GLA: variants seen among roughly 807,000 people sequenced by gnomAD.
GLA encodes the protein alpha-galactosidase A.
A neutral mutation model predicts 28.2 loss-of-function variants in GLA; 4 were observed. The observed-to-expected ratio is 0.14, with a 90% CI of 0.07 to 0.32. The LOEUF is 0.32. Ranked by LOEUF, GLA falls within the 10% of genes least tolerant of loss-of-function variation. The pLI is 1.00. For synonymous variants in GLA, 94 were observed against 113.0 expected (o/e 0.83, Z 1.07); for missense variants, 203 against 323.7 (o/e 0.63, Z 2.86).
At position 101,398,501 on chromosome X, in the gene GLA, T is replaced by G. The variant is rs375538532; in HGVS notation, c.868A>C (p.Met290Leu). The change falls in exon 6 of 7, where the codon ATG becomes CTG. Residue 290 changes from methionine (M) to leucine (L), a missense_variant. By Grantham distance (15) the Met-to-Leu change is conservative. Coordinates refer to ENST00000218516, the MANE Select transcript of GLA (RefSeq NM_000169.3). ...TTAGACATGAATAAAGGAGCAGCCATGATAGCCCAGAGGGCCATCTGAGTT... is the reference window on the plus strand; with the variant it reads ...TTAGACATGAATAAAGGAGCAGCCAGGATAGCCCAGAGGGCCATCTGAGTT... ...QVTQMALWAI[M>L]AAPLFMSNDL... 2.5e-6 allele frequency: 3 copies of G among 1,206,427 alleles called. No homozygotes were observed. Among genetic ancestry groups the G allele is most frequent in the Non-Finnish European group, 3.4e-6 (3 of 891,919 alleles).
At position 101,400,635 on chromosome X, in the gene GLA, G is replaced by T. The variant is rs782135870; in HGVS notation, c.639+31C>A. The T allele has an allele frequency of 6.1e-6, 5 of 819,107 alleles. No homozygotes were observed. In the African/African-American group the frequency reaches 8.1e-5, roughly 13 times the overall value. The allele number at this position is 819,107 out of a possible 1,213,427, so 67.5% of individuals were successfully genotyped here. A position where few individuals can be genotyped will look rare whatever the true frequency, so the allele number is the denominator to read the frequency against. On this transcript the variant is annotated intron_variant, in intron 4 of 6. Transcript: ENST00000218516. ...TTGTCAAGTTCTATCTATCAGTACA[G>T]TTCTATTGGATTCTGGGCTCACTAT... is the stretch of plus-strand genomic sequence containing the variant.
At position 101,401,786 on chromosome X, in the gene GLA, T is replaced by C. The variant is rs782100696; in HGVS notation, c.393A>G (p.Leu131=). Residue 131 remains leucine, a synonymous_variant, in exon 3 of 7, where the codon CTA becomes CTG. Coordinates refer to ENST00000218516, the MANE Select transcript of GLA (RefSeq NM_000169.3). ...ANYVHSKGLK[L]GIYADVGNKT... ...TATTTCCAACATCTGCATAAATCCC[T>C]AGCTTCAGTCCTTTGCTGTGAACCT... 1 of 1,211,001 alleles carries C rather than the reference T, an allele frequency of 8.3e-7. No individual in the cohort carries two copies. Among genetic ancestry groups the C allele is most frequent in the Non-Finnish European group, 1.1e-6 (1 of 894,578 alleles).
intron 1 of GLA, among the ~76,000 whole-genome samples, chrX:101,406,423 A>T (rs3027587): frequency 0.068 from 7,567 of 111,186 alleles, 320 homozygotes; most frequent in African/African-American, 0.15. Context: ...ATTAACATTT[A>T]AACCATGATT....
Position 101,398,506 on chromosome X carries a change from G to A in GLA, c.863C>T (p.Ala288Val). Residue 288 changes from alanine to valine, a missense_variant, in exon 6 of 7, where the codon GCT becomes GTT. Ala to Val is a moderately conservative substitution (Grantham distance 64, BLOSUM62 0). Around this residue, in one of 3 missense-constraint regions of GLA, gnomAD observed 162 missense variants for 246.8 expected, o/e 0.66. Coordinates refer to ENST00000218516, the MANE Select transcript of GLA (RefSeq NM_000169.3). ...NQQVTQMALW[A>V]IMAAPLFMSN... ...CATGAATAAAGGAGCAGCCATGATA[G>A]CCCAGAGGGCCATCTGAGTTACTTG... 1 of 1,207,806 alleles carries A rather than the reference G, an allele frequency of 8.3e-7. No homozygotes were observed. The highest frequency in any genetic ancestry group is 1.1e-6 in the Non-Finnish European group (1 of 891,895).
chrX:101,407,422 A>C (rs1928558825), intron 1 of GLA, among the ~76,000 whole-genome samples: 1 of 108,644 alleles, frequency 9.2e-6, no homozygotes, highest in African/African-American at 3.4e-5. Flanking sequence ...GAGAGAGAGA[A>C]AGAGAGAGGA....
chrX:101,403,822 G>A lies in GLA; in HGVS notation c.358C>T (p.Leu120=). 8.3e-7 allele frequency: 1 copy of A among 1,209,572 alleles called. No homozygotes were observed. The highest frequency in any genetic ancestry group is 1.1e-6 in the Non-Finnish European group (1 of 893,287). ...PQRFPHGIRQ[L]ANYVHSKGLK... The stretch of plus-strand genomic sequence containing the variant: ...ATCTATAAACTCACATAATTAGCTA[G>A]CTGGCGAATCCCATGAGGAAAGCGC... Residue 120 remains leucine (L), a synonymous_variant, in exon 2 of 7, where the codon CTA becomes TTA. Transcript: ENST00000218516.
At chrX:101,399,859 T>A (rs1928240242) in intron 4 of GLA, 1 of 111,891 alleles carries the variant, frequency 8.9e-6, no homozygotes, top group Admixed American at 9.5e-5. Context: ...AGGGCTATTT[T>A]AAAGTAGTTA....
In GLA at chrX:101,398,150, TGTTA is replaced by T. The variant is rs202039070; in HGVS notation, c.1000-55_1000-52del. The T allele has an allele frequency of 2.5e-3, 2,708 of 1,088,722 alleles. 45 individuals are homozygous for T. In the African/African-American group the frequency reaches 0.043, roughly 17 times the overall value. 89.7% of individuals were successfully genotyped at this position (1,088,722 alleles called of 1,213,427 possible). A position where few individuals can be genotyped will look rare whatever the true frequency, so the allele number is the denominator to read the frequency against. On this transcript the variant is annotated intron_variant, in intron 6 of 6. Coordinates refer to ENST00000218516, the MANE Select transcript of GLA (RefSeq NM_000169.3). The stretch of plus-strand genomic sequence containing the variant: ...CTTAGCAACTAGTGATAAGTGGCCC[TGTTA>T]GTTTGGCATTCATTCTTAATGTCAG...
chrX:101,400,134 G>C (rs971569450), intron 4 of GLA, among the ~76,000 whole-genome samples: 2 of 111,215 alleles, frequency 1.8e-5, no homozygotes, highest in Non-Finnish European at 3.8e-5. Flanking sequence ...AATTGGAAGC[G>C]AGTTAAGGGT....
chrX:101,400,469 C>A (rs1274454040), intron 4 of GLA, among the ~76,000 whole-genome samples, 197 bp downstream of exon 4: 2 of 111,919 alleles, frequency 1.8e-5, no homozygotes, highest in Non-Finnish European at 3.8e-5. Context: ...AAGGGGAAGA[C>A]ACAAGGATGA....
chrX:101,407,323 GA>G (rs782705680), intron 1 of GLA, among the ~76,000 whole-genome samples: 40 of 112,052 alleles, frequency 3.6e-4, no homozygotes, highest in Non-Finnish European at 5.1e-4. Flanking sequence ...AGAAGGGTCT[GA>G]ATAGAACCGG....
chrX:101,400,820 T>C lies in GLA; in HGVS notation c.548-63A>G, dbSNP rs1555985609. ...ATGAATTTCCAGCTGGGGCTATATA[T>C]ATAGTTATTTTATTTTATTTTATTT... On this transcript the variant is annotated intron_variant, in intron 3 of 6. Coordinates refer to ENST00000218516, the MANE Select transcript of GLA (RefSeq NM_000169.3). 25 of 529,926 alleles carry C rather than the reference T, an allele frequency of 4.7e-5. No individual in the cohort carries two copies. The South Asian group carries it at 6.7e-4, about 14-fold the overall frequency. The allele number at this position is 529,926 out of a possible 1,213,427, so 43.7% of individuals were successfully genotyped here. A position where few individuals can be genotyped will look rare whatever the true frequency, so the allele number is the denominator to read the frequency against.
At chrX:101,405,725 A>G (rs979310959) in intron 1 of GLA, among the ~76,000 whole-genome samples, 1 of 110,350 alleles carries the variant, frequency 9.1e-6, no homozygotes. Context: ...GTTCGAGACC[A>G]GCTTGGGCAA....
intron 5 of GLA, 94 bp downstream of exon 5, chrX:101,398,691 T>G (rs1555985051): frequency 1.9e-6 from 2 of 1,062,567 alleles, no homozygotes; most frequent in Non-Finnish European, 2.6e-6. Context: ...ACATAAAGCC[T>G]CCTCCCAGGA....
In GLA at chrX:101,402,736, C is replaced by G. The variant is rs377560993; in HGVS notation, c.370-927G>C. Among the ~76,000 whole-genome samples, 16 of 110,160 alleles carry G rather than the reference C, an allele frequency of 1.5e-4. 3 individuals carry two copies. The highest frequency in any genetic ancestry group is 1.4e-3 in the East Asian group (5 of 3,492). On this transcript the variant is annotated intron_variant, in intron 2 of 6. Transcript: ENST00000218516. ...CTGAGATTGTGCCACTGCACTCCAG[C>G]CTGGGCGACAGAGCGAGACTCCGTC...
chrX:101,406,963 A>AT (rs1216683739), intron 1 of GLA, among the ~76,000 whole-genome samples: 15 of 112,144 alleles, frequency 1.3e-4, no homozygotes, highest in African/African-American at 1.9e-4. Context: ...TATTTTTCAG[A>AT]TTTTTTTTGT....
chrX:101,405,236 C>CAAAAAA (rs11448515), intron 1 of GLA, among the ~76,000 whole-genome samples: 1 of 35,568 alleles, frequency 2.8e-5, no homozygotes, highest in African/African-American at 8.6e-5. Context: ...AACTCCAGCT[C>CAAAAAA]AAAAAAAAAA....
intron 4 of GLA, among the ~76,000 whole-genome samples, chrX:101,400,432 G>T (rs1212201138): frequency 5.4e-5 from 6 of 111,295 alleles, no homozygotes; most frequent in Non-Finnish European, 9.4e-5. Flanking sequence ...AAGGACTGTT[G>T]ATAGACAGGA....
chrX:101,407,316 A>C (rs1365794010), intron 1 of GLA, among the ~76,000 whole-genome samples: 1 of 112,039 alleles, frequency 8.9e-6, no homozygotes, highest in Admixed American at 9.5e-5. Flanking sequence ...GTTCACAAGA[A>C]GGGTCTGAAT....
Sources: gnomAD v4.1 joint callset for allele counts (sites outside exome capture counted in the v4.1 genomes callset) on GRCh38, gnomAD v4.1.1 for gene constraint, gnomAD v4.1.1 regional missense constraint, MANE v1.5 for transcripts, NCBI Gene and HGNC (gene_info 2026-07-23, HGNC 2026-07-21) for gene names.